The following NRXN1 variants were observed in gnomAD, a reference collection of about 807,000 sequenced individuals.
NRXN1 encodes neurexin 1, also known as neurexin-1.
A neutral mutation model predicts 150.9 loss-of-function variants in NRXN1; 39 were observed. The observed-to-expected ratio is 0.26, with a 90% CI of 0.20 to 0.34. The LOEUF (loss-of-function observed/expected upper bound fraction) is 0.34. NRXN1 is among the 10% of genes least tolerant of loss of function. NRXN1 has a pLI of 1.00. For missense variants in NRXN1, 1,815 were observed against 1,949.9 expected (o/e 0.93, Z 1.30); for synonymous variants, 924 against 757.0 (o/e 1.22, Z -3.62).
chr2:50,019,728 C>T (rs1687227868), intron 21 of NRXN1, among the ~76,000 whole-genome samples: 1 of 148,580 alleles, frequency 6.7e-6, no homozygotes, highest in South Asian at 2.1e-4. Flanking sequence ...GGGCGGATCA[C>T]GACGTCAGGA....
At chr2:50,679,654 A>G (rs1690075865) in intron 5 of NRXN1, among the ~76,000 whole-genome samples, 2 of 152,144 alleles carry the variant, frequency 1.3e-5, no homozygotes, top group Non-Finnish European at 1.5e-5. Flanking sequence ...ACCTCACAAA[A>G]ATATAAAAGT....
At chr2:50,161,131 GTT>G (rs1475767855) in intron 18 of NRXN1, among the ~76,000 whole-genome samples, 1 of 151,602 alleles carries the variant, frequency 6.6e-6, no homozygotes, top group African/African-American at 2.4e-5. Context: ...TGCCAAGACT[GTT>G]TGTAGTACTT....
At chr2:50,908,995 T>C (rs1684147626) in intron 5 of NRXN1, among the ~76,000 whole-genome samples, 1 of 152,094 alleles carries the variant, frequency 6.6e-6, no homozygotes, top group African/African-American at 2.4e-5. Flanking sequence ...CTTACACATT[T>C]ATGGTATTTT....
At chr2:50,639,612 A>G (rs559913648) in intron 5 of NRXN1, among the ~76,000 whole-genome samples, 1 of 152,228 alleles carries the variant, frequency 6.6e-6, no homozygotes, top group South Asian at 2.1e-4. Context: ...AAAATACATG[A>G]CAGTCTATTT....
intron 2 of NRXN1, among the ~76,000 whole-genome samples, chr2:51,025,631 C>T (rs1359619545): frequency 6.6e-6 from 1 of 152,052 alleles, no homozygotes; most frequent in Non-Finnish European, 1.5e-5. Flanking sequence ...GACAATTTTC[C>T]CATAAAATAA....
intron 17 of NRXN1, among the ~76,000 whole-genome samples, chr2:50,317,338 G>A (rs2075691499): frequency 6.6e-6 from 1 of 151,744 alleles, no homozygotes; most frequent in African/African-American, 2.4e-5. Context: ...AGAAATAATT[G>A]AAAATGCAAG....
At chr2:50,774,370 A>G (rs1703356843) in intron 5 of NRXN1, among the ~76,000 whole-genome samples, 1 of 152,182 alleles carries the variant, frequency 6.6e-6, no homozygotes, top group Non-Finnish European at 1.5e-5. Flanking sequence ...GAGGGCATTT[A>G]GTACATTTGA....
intron 18 of NRXN1, among the ~76,000 whole-genome samples, chr2:50,181,240 T>C (rs2060692362): frequency 7.1e-6 from 1 of 141,660 alleles, no homozygotes; most frequent in African/African-American, 2.7e-5. Context: ...TAATGGTGAG[T>C]TTAAAAAAAA....
intron 2 of NRXN1, among the ~76,000 whole-genome samples, chr2:50,995,677 G>A (rs1699170552): frequency 6.6e-6 from 1 of 151,246 alleles, no homozygotes. Context: ...GGACAATCTT[G>A]GAAGGTGTCA....
intron 5 of NRXN1, among the ~76,000 whole-genome samples, chr2:50,916,570 G>T (rs545996008): frequency 6.6e-6 from 1 of 151,528 alleles, no homozygotes; most frequent in Non-Finnish European, 1.5e-5. Flanking sequence ...CCTCCATTAT[G>T]TCATAATTTG....
intron 18 of NRXN1, among the ~76,000 whole-genome samples, chr2:50,221,449 T>G (rs2063881601): frequency 6.6e-6 from 1 of 152,042 alleles, no homozygotes; most frequent in Non-Finnish European, 1.5e-5. Context: ...CAGCTACACA[T>G]TTTAATTTTT....
chr2:50,653,518 G>A (rs1685942500), intron 5 of NRXN1, among the ~76,000 whole-genome samples: 1 of 152,014 alleles, frequency 6.6e-6, no homozygotes, highest in African/African-American at 2.4e-5. Context: ...AATTCACTAT[G>A]TCTAGAGAAA....
intron 18 of NRXN1, among the ~76,000 whole-genome samples, chr2:50,137,273 A>C (rs1439751643): frequency 1.3e-5 from 2 of 152,192 alleles, no homozygotes; most frequent in Non-Finnish European, 2.9e-5. Context: ...TGATATATAC[A>C]AACCAGTGAT....
intron 17 of NRXN1, among the ~76,000 whole-genome samples, chr2:50,421,335 C>T (rs2083982395): frequency 6.6e-6 from 1 of 152,074 alleles, no homozygotes; most frequent in Non-Finnish European, 1.5e-5. Context: ...CTTCCCCCTT[C>T]ACTTTCTAAA....
intron 15 of NRXN1, among the ~76,000 whole-genome samples, chr2:50,474,839 C>CCCCAAAA (rs1558795095): frequency 9.2e-5 from 10 of 108,834 alleles, no homozygotes; most frequent in South Asian, 3.3e-4. Context: ...GCCCCCCTAC[C>CCCCAAAA]AAAAAAAAAA....
rs569773094 is a variant in NRXN1 at position 50,291,029 on chromosome 2, G to T, written c.3365-54059C>A. Among the ~76,000 whole-genome samples the T allele has an allele frequency of 2.0e-4, 31 of 151,294 alleles. No homozygotes were observed. In the South Asian group the frequency reaches 6.5e-3, roughly 32 times the overall value. Reference sequence around the variant, plus strand: ...TGACACCAGCATATTTCTATTTCTAGAAAGATAGCAGAGAAAAATCCCCTA... The same window carrying T: ...TGACACCAGCATATTTCTATTTCTATAAAGATAGCAGAGAAAAATCCCCTA... On this transcript the variant is annotated intron_variant, in intron 17 of 22. Transcript: ENST00000401669.
chr2:50,456,844 T>A (rs2104576307), intron 17 of NRXN1, among the ~76,000 whole-genome samples: 1 of 152,232 alleles, frequency 6.6e-6, no homozygotes, highest in South Asian at 2.1e-4. Flanking sequence ...AACCTCCGAC[T>A]TAGTCTTTTT....
intron 5 of NRXN1, among the ~76,000 whole-genome samples, chr2:50,827,686 G>C (rs1234220969): frequency 1.3e-5 from 2 of 152,024 alleles, no homozygotes; most frequent in African/African-American, 2.4e-5. Context: ...GACAACAGTG[G>C]AGGGAAGGTC....
chr2:50,061,106 G>A (rs1573673465), intron 19 of NRXN1, among the ~76,000 whole-genome samples: 1 of 152,076 alleles, frequency 6.6e-6, no homozygotes, highest in Non-Finnish European at 1.5e-5. Flanking sequence ...AGGGGTAATG[G>A]AAGTATATTA....
Sources: allele counts gnomAD v4.1 joint callset (sites outside exome capture counted in the v4.1 genomes callset), GRCh38; gene constraint gnomAD v4.1.1; transcripts MANE v1.5; gene names NCBI Gene and HGNC (gene_info 2026-07-23, HGNC 2026-07-21).